The following STK32B variants were observed in gnomAD, a reference collection of about 807,000 sequenced individuals.
STK32B encodes the protein serine/threonine-protein kinase 32B.
Under a neutral mutation model 52.6 loss-of-function variants are expected in STK32B, and 43 were observed. That is an observed-to-expected ratio of 0.82 (90% CI 0.64 to 1.05). STK32B has a LOEUF of 1.05. Among genes scored for constraint, STK32B ranks in the 50% least tolerant of loss-of-function variants. The pLI is 0.00. For missense variants in STK32B, 621 were observed against 534.6 expected, an observed-to-expected ratio of 1.16 and a Z score of -1.59; for synonymous variants, 238 against 204.3, an observed-to-expected ratio of 1.17 and a Z score of -1.41.
chr4:5,425,294 C>T (rs952634495), intron 6 of STK32B, among the ~76,000 whole-genome samples: 1 of 152,124 alleles, frequency 6.6e-6, no homozygotes, highest in African/African-American at 2.4e-5. Flanking sequence ...AAGCAACACC[C>T]CAAGGATCCT....
chr4:5,371,181 TG>T (rs1370688274), intron 4 of STK32B, among the ~76,000 whole-genome samples: 1 of 152,048 alleles, frequency 6.6e-6, no homozygotes, highest in Non-Finnish European at 1.5e-5. Context: ...CAAAGACAGC[TG>T]GGATTACAGC....
At chr4:5,171,129 C>T in intron 3 of STK32B, among the ~76,000 whole-genome samples, 1 of 151,794 alleles carries the variant, frequency 6.6e-6, no homozygotes, top group Non-Finnish European at 1.5e-5. Flanking sequence ...CTGTTCATAT[C>T]CTTTGCCCAC....
At chr4:5,066,563 C>T (rs1742433245) in intron 1 of STK32B, among the ~76,000 whole-genome samples, 1 of 152,184 alleles carries the variant, frequency 6.6e-6, no homozygotes, top group African/African-American at 2.4e-5. Context: ...CTAAAACCTG[C>T]CCAGCTCTCC....
At chr4:5,165,517 G>A (rs1577129396) in intron 2 of STK32B, among the ~76,000 whole-genome samples, 1 of 152,160 alleles carries the variant, frequency 6.6e-6, no homozygotes, top group South Asian at 2.1e-4. Flanking sequence ...TTTTCACAGC[G>A]ATGCAGCCAG....
intron 3 of STK32B, among the ~76,000 whole-genome samples, chr4:5,214,655 G>C (rs1723086350): frequency 1.3e-5 from 2 of 152,146 alleles, no homozygotes; most frequent in Admixed American, 6.6e-5. Flanking sequence ...AGAAACTTAA[G>C]AAGTTAAAAA....
intron 5 of STK32B, among the ~76,000 whole-genome samples, chr4:5,404,619 C>T (rs1272554676): frequency 6.6e-6 from 1 of 151,956 alleles, no homozygotes; most frequent in Non-Finnish European, 1.5e-5. Flanking sequence ...ACATGGATAT[C>T]CTCTTCCATA....
chr4:5,209,778 A>C (rs1441643444), intron 3 of STK32B, among the ~76,000 whole-genome samples: 5 of 152,208 alleles, frequency 3.3e-5, no homozygotes, highest in African/African-American at 1.2e-4. Flanking sequence ...GGAAGCGTTT[A>C]TAATACCACC....
intron 6 of STK32B, among the ~76,000 whole-genome samples, chr4:5,442,559 A>G (rs908098531): frequency 6.6e-5 from 10 of 150,870 alleles, no homozygotes; most frequent in Non-Finnish European, 1.0e-4. Flanking sequence ...TCTTTATCCA[A>G]TTTGCCAGTC....
chr4:5,065,453 A>G (rs1742382308), intron 1 of STK32B, among the ~76,000 whole-genome samples: 1 of 152,172 alleles, frequency 6.6e-6, no homozygotes, highest in Non-Finnish European at 1.5e-5. Context: ...CAAGTGGTCC[A>G]TGAGTGCCAC....
rs138185959 is a variant in STK32B, at chr4:5,152,140, G to A, written c.108+12180G>A. On this transcript the variant is annotated intron_variant, in intron 2 of 11. Transcript: ENST00000282908. ...GGTCTGCATTTTTTTGGTCATTTTC[G>A]TCAGCAATTGATGAAGTGAAGGTTT... Among the ~76,000 whole-genome samples, 261 of 152,248 alleles carry A rather than the reference G, an allele frequency of 1.7e-3. 6 individuals carry two copies. The highest frequency in any genetic ancestry group is 0.017 in the South Asian group (80 of 4,822).
chr4:5,356,974 G>A (rs62297283), intron 4 of STK32B, among the ~76,000 whole-genome samples: 14,103 of 151,416 alleles, frequency 0.093, 1,054 homozygotes, highest in Admixed American at 0.19. Flanking sequence ...CTCCAGCCTG[G>A]GCAACAAGAG....
chr4:5,446,746 C>T lies in STK32B; in HGVS notation c.636C>T (p.Gly212=). 5 of 1,614,008 alleles carry T rather than the reference C, an allele frequency of 3.1e-6. No individual in the cohort carries two copies. Among genetic ancestry groups the T allele is most frequent in the Non-Finnish European group, 4.2e-6 (5 of 1,179,978 alleles). The stretch of plus-strand genomic sequence containing the variant: ...ACCCTGTCGACTGGTGGTCCCTGGG[C>T]ATCACAGCCTATGAGCTGCTGCGGG... ...YSYPVDWWSL[G]ITAYELLRGW... The change falls in exon 7 of 12, where the codon GGC becomes GGT. Residue 212 remains glycine, a synonymous_variant. Transcript: ENST00000282908.
chr4:5,297,629 A>G (rs1425774561), intron 3 of STK32B, among the ~76,000 whole-genome samples: 1 of 130,624 alleles, frequency 7.7e-6, no homozygotes, highest in Admixed American at 7.3e-5. Flanking sequence ...CTGTCTGGTC[A>G]TTTATGTTTT....
intron 3 of STK32B, among the ~76,000 whole-genome samples, chr4:5,212,985 G>C (rs1372097742): frequency 6.6e-6 from 1 of 152,080 alleles, no homozygotes; most frequent in African/African-American, 2.4e-5. Flanking sequence ...TGCATCCTAT[G>C]TTCTAAAACT....
At chr4:5,134,862 T>C (rs1715984603) in intron 1 of STK32B, among the ~76,000 whole-genome samples, 2 of 152,198 alleles carry the variant, frequency 1.3e-5, no homozygotes, top group Admixed American at 6.5e-5. Flanking sequence ...TACTTTCCAT[T>C]AGAGATTGTT....
rs115290588 is a variant in STK32B, at chr4:5,147,191, G to C, written c.108+7231G>C. ...AGTTTTTTGGGGGTACGGGGGACAG[G>C]GGGAAGACACTATTGTAATGAAATT... On this transcript the variant is annotated intron_variant, in intron 2 of 11. Transcript: ENST00000282908. Among the ~76,000 whole-genome samples, 1,435 of 152,070 alleles carry C rather than the reference G, an allele frequency of 9.4e-3. 18 individuals are homozygous for C. Among genetic ancestry groups the C allele is most frequent in the African/African-American group, 0.033 (1,368 of 41,490 alleles).
chr4:5,376,208 G>C (rs1469875408), intron 4 of STK32B, among the ~76,000 whole-genome samples: 1 of 152,144 alleles, frequency 6.6e-6, no homozygotes, highest in Non-Finnish European at 1.5e-5. Flanking sequence ...TTCTCCATCT[G>C]CTTTTGCTTT....
intron 1 of STK32B, among the ~76,000 whole-genome samples, chr4:5,098,294 G>T (rs1485639311): frequency 1.3e-5 from 2 of 152,222 alleles, no homozygotes; most frequent in Non-Finnish European, 2.9e-5. Context: ...AAGGAAACCG[G>T]GAGTTGGGCT....
At chr4:5,461,203 C>T (rs3774819) in intron 9 of STK32B, among the ~76,000 whole-genome samples, 14,161 of 152,246 alleles carry the variant, frequency 0.093, 1,040 homozygotes, top group East Asian at 0.39. Flanking sequence ...CCCACCCGCT[C>T]ACCTGTCCTT....
Sources: allele counts gnomAD v4.1 joint callset (sites outside exome capture counted in the v4.1 genomes callset), GRCh38; gene constraint gnomAD v4.1.1; transcripts MANE v1.5; gene names NCBI Gene and HGNC (gene_info 2026-07-23, HGNC 2026-07-21).